The following APPL1 variants were observed in gnomAD, a reference collection of about 807,000 sequenced individuals.
APPL1 encodes the protein DCC-interacting protein 13-alpha.
A neutral mutation model predicts 106.8 loss-of-function variants in APPL1; 42 were observed. The ratio of observed to expected loss-of-function variants is 0.39; its 90% CI spans 0.31 to 0.51. APPL1 has a LOEUF of 0.51. APPL1 is among the 20% of genes least tolerant of loss of function. APPL1 has a pLI of 0.75. For missense variants in APPL1, 769 were observed against 858.2 expected (o/e 0.90, Z 1.30); for synonymous variants, 263 against 281.8 (o/e 0.93, Z 0.67).
chr3:57,236,832 C>T (rs973697749), intron 2 of APPL1, among the ~76,000 whole-genome samples: 3 of 152,274 alleles, frequency 2.0e-5, no homozygotes, highest in Admixed American at 2.0e-4. Flanking sequence ...CTGTAATATA[C>T]TTTCTTTGGG....
At chr3:57,238,315 A>G (rs2060727085) in intron 4 of APPL1, 199 bp downstream of exon 4, 2 of 498,286 alleles carry the variant, frequency 4.0e-6, no homozygotes, top group Non-Finnish European at 7.0e-6. Flanking sequence ...AAACTTACAG[A>G]TGTGCTTCTT....
chr3:57,234,332 C>T (rs2060704675), intron 1 of APPL1, among the ~76,000 whole-genome samples: 1 of 142,764 alleles, frequency 7.0e-6, no homozygotes, highest in African/African-American at 2.6e-5. Flanking sequence ...GAGTCTCCCT[C>T]TATTGCCCAA....
rs1407964755 is a variant in APPL1, at chr3:57,273,353, T to TTA, written c.*3668_*3669dup. 6.6e-6 allele frequency: 1 copy of TTA among 152,638 alleles called. No homozygotes were observed. Among genetic ancestry groups the TTA allele is most frequent in the Non-Finnish European group, 1.5e-5 (1 of 68,022 alleles). 9.5% of individuals were successfully genotyped at this position (152,638 alleles called of 1,614,324 possible). A position where few individuals can be genotyped will look rare whatever the true frequency, so the allele number is the denominator to read the frequency against. ...TTGGTATACATGTGGGGTGGAGAACTTATTTTTTCATTTTGTCACAATAGG... is the reference window on the plus strand; with the variant it reads ...TTGGTATACATGTGGGGTGGAGAACTTATATTTTTTCATTTTGTCACAATAGG... On this transcript the variant is annotated 3_prime_UTR_variant, in exon 22 of 22. Transcript: ENST00000288266.
In APPL1 at chr3:57,259,087, C is replaced by T; in HGVS notation, c.1483+7C>T. ...ACAAAATCTGAAACTGAAGGTAAGA[C>T]AGATGTGCAGCATTCATATATTTTA... On this transcript the variant is annotated splice_region_variant and intron_variant, in intron 16 of 21. Transcript: ENST00000288266. 1 of 1,607,514 alleles carries T rather than the reference C, an allele frequency of 6.2e-7. No homozygotes were observed. The highest frequency in any genetic ancestry group is 1.1e-5 in the South Asian group (1 of 90,230).
chr3:57,249,873 A>C (rs1470538195), intron 11 of APPL1, among the ~76,000 whole-genome samples: 1 of 152,190 alleles, frequency 6.6e-6, no homozygotes, highest in African/African-American at 2.4e-5. Flanking sequence ...GGTCAGAAGG[A>C]TCAAACTCTG....
intron 5 of APPL1, 26 bp from the exon 6 acceptor site, chr3:57,242,075 C>G: frequency 1.3e-6 from 2 of 1,535,770 alleles, no homozygotes; most frequent in Non-Finnish European, 1.8e-6. Context: ...ATGTGCCAAA[C>G]TTAAATTATT....
intron 1 of APPL1, among the ~76,000 whole-genome samples, chr3:57,233,261 A>G (rs1338919914): frequency 6.6e-6 from 1 of 152,200 alleles, no homozygotes. Flanking sequence ...GCATCTTACA[A>G]TGGATACCAT....
chr3:57,244,580 G>T (rs982665896), intron 7 of APPL1, among the ~76,000 whole-genome samples: 6 of 152,156 alleles, frequency 3.9e-5, no homozygotes, highest in African/African-American at 1.4e-4. Flanking sequence ...GGTGGAGTTG[G>T]GAGAGTGTAA....
intron 2 of APPL1, 34 bp from the exon 3 acceptor site, chr3:57,237,458 C>T: frequency 6.6e-7 from 1 of 1,524,614 alleles, no homozygotes; most frequent in Non-Finnish European, 8.9e-7. Context: ...ACTTTTTTCC[C>T]AGTAATATGC....
intron 19 of APPL1, among the ~76,000 whole-genome samples, chr3:57,263,765 GT>G (rs377176956): frequency 0.11 from 15,628 of 138,968 alleles, 1,756 homozygotes; most frequent in African/African-American, 0.3. Context: ...TTCATCTGTT[GT>G]TTTTTTTTTT....
chr3:57,242,217 C>A, intron 6 of APPL1, 75 bp downstream of exon 6: 1 of 1,136,070 alleles, frequency 8.8e-7, no homozygotes, highest in Non-Finnish European at 1.2e-6. Flanking sequence ...TGGCCAGATT[C>A]TTTGTAATAA....
intron 19 of APPL1, among the ~76,000 whole-genome samples, chr3:57,262,087 C>T (rs1017752111): frequency 6.6e-6 from 1 of 152,034 alleles, no homozygotes; most frequent in South Asian, 2.1e-4. Flanking sequence ...TATTCATATC[C>T]TCTGCATACT....
rs749812889 is a variant in APPL1 at position 57,260,060 on chromosome 3, T to G, written c.1658+41T>G. On this transcript the variant is annotated intron_variant, in intron 17 of 21. Transcript: ENST00000288266. Reference sequence around the variant, plus strand: ...CCTTAAAAAACTGTAGAAAAAACATTTACATGATTTCAGCCTAATTAAAAT... The same window carrying G: ...CCTTAAAAAACTGTAGAAAAAACATGTACATGATTTCAGCCTAATTAAAAT... The G allele has an allele frequency of 3.7e-6, 6 of 1,607,498 alleles. No homozygotes were observed. The South Asian group carries it at 6.7e-5, about 18-fold the overall frequency.
rs764894126 is a variant in APPL1 at position 57,249,555 on chromosome 3, A to AT, written c.1052+15dup. 115 of 1,546,990 alleles carry AT rather than the reference A, an allele frequency of 7.4e-5. No individual in the cohort carries two copies. Among genetic ancestry groups the AT allele is most frequent in the Non-Finnish European group, 8.9e-5 (102 of 1,151,226 alleles). On this transcript the variant is annotated splice_region_variant and intron_variant, in intron 11 of 21. Transcript: ENST00000288266. The stretch of plus-strand genomic sequence containing the variant: ...CCTCTTTCGATGGAAAAAAGTTAGT[A>AT]TTTTTTTTCTACTACTACTAATCTA...
In APPL1 at chr3:57,259,883, G is replaced by C; in HGVS notation, c.1522G>C (p.Gly508Arg). 6.2e-7 allele frequency: 1 copy of C among 1,609,490 alleles called. No homozygotes were observed. The highest frequency in any genetic ancestry group is 8.5e-7 in the Non-Finnish European group (1 of 1,178,852). ...TCAGTTATTTATTGTCCGATTCCTT[G>C]GTTCAATGGAGGTGAAATCAGATGA... ...LHQLFIVRFL[G>R]SMEVKSDDHP... The change falls in exon 17 of 22, where the codon GGT becomes CGT. Residue 508 changes from glycine to arginine, a missense_variant. By Grantham distance (125) the Gly-to-Arg change is moderately radical. Coordinates refer to ENST00000288266, the MANE Select transcript of APPL1 (RefSeq NM_012096.3).
chr3:57,264,965 T>C (rs2060886744), intron 19 of APPL1, among the ~76,000 whole-genome samples: 1 of 152,120 alleles, frequency 6.6e-6, no homozygotes, highest in Non-Finnish European at 1.5e-5. Flanking sequence ...TTTCAGATTG[T>C]TTTTTCTATT....
Position 57,242,114 on chromosome 3 carries a change from A to G in APPL1, c.387A>G (p.Leu129=), listed in dbSNP as rs1350337465. ...KERDLKEILT[L]KEVFQIASND... ...GAACTTTTTCAGAAATACTAACATT[A>G]AAGGAAGTATTTCAGATTGCAAGTA... The change falls in exon 6 of 22, where the codon TTA becomes TTG. Residue 129 remains leucine (L), a synonymous_variant. Transcript: ENST00000288266. 3 of 1,592,976 alleles carry G rather than the reference A, an allele frequency of 1.9e-6. No homozygotes were observed. Among genetic ancestry groups the G allele is most frequent in the Non-Finnish European group, 2.6e-6 (3 of 1,166,830 alleles).
rs1038872424 is a variant in APPL1 at position 57,257,008 on chromosome 3, C to T, written c.1204C>T (p.Pro402Ser). The T allele has an allele frequency of 2.5e-6, 4 of 1,614,188 alleles. No individual in the cohort carries two copies. Among genetic ancestry groups the T allele is most frequent in the South Asian group, 1.1e-5 (1 of 91,084 alleles). Residue 402 changes from proline to serine, a missense_variant, in exon 14 of 22, where the codon CCA becomes TCA. Physicochemically the swap from Pro to Ser is moderately conservative, Grantham distance 74. Transcript: ENST00000288266. Reference protein sequence around the residue: ...QSALEAVTPSPSFQQRHESLR... With the variant: ...QSALEAVTPSSSFQQRHESLR... ...AGCTCTGGAAGCTGTCACTCCTTCC[C>T]CATCTTTCCAGCAGAGGCACGAGAG...
Position 57,247,384 on chromosome 3 carries a change from C to T in APPL1, c.622-11C>T. The T allele has an allele frequency of 1.3e-6, 2 of 1,559,204 alleles. No individual in the cohort carries two copies. Among genetic ancestry groups the T allele is most frequent in the Non-Finnish European group, 1.8e-6 (2 of 1,134,084 alleles). ...TGTATTGTTCAATTCCCCCCACTCCCCACTCTCCAGATAAGTTTCTTTAAG... is the reference window on the plus strand; with the variant it reads ...TGTATTGTTCAATTCCCCCCACTCCTCACTCTCCAGATAAGTTTCTTTAAG... On this transcript the variant is annotated splice_polypyrimidine_tract_variant and intron_variant, in intron 8 of 21. Coordinates refer to ENST00000288266, the MANE Select transcript of APPL1 (RefSeq NM_012096.3).
Sources: gnomAD v4.1 joint callset for allele counts (sites outside exome capture counted in the v4.1 genomes callset) on GRCh38, gnomAD v4.1.1 for gene constraint, MANE v1.5 for transcripts, NCBI Gene and HGNC (gene_info 2026-07-23, HGNC 2026-07-21) for gene names.